Variants in TMEM252 observed in about 807,000 individuals in gnomAD.
TMEM252 encodes transmembrane protein C9orf71.
In TMEM252, 4 loss-of-function variants were observed where a neutral mutation model predicts 6.4. The observed-to-expected ratio is 0.62, with a 90% confidence interval of 0.31 to 1.43. TMEM252 has a LOEUF of 1.43. Among genes scored for constraint, TMEM252 ranks in the 40% most tolerant of loss-of-function variants. TMEM252 has a pLI of 0.07. For missense variants in TMEM252, 207 were observed against 209.4 expected (o/e 0.99, Z 0.07); for synonymous variants, 85 against 82.5 (o/e 1.03, Z -0.17).
rs1825144353 is a variant in TMEM252 at position 68,536,715 on chromosome 9, G to A, written c.*544C>T. ...ACAAAATAACATTCATGGGTTCCGA[G>A]GGCATATCTCCCAGGATGTGAAGTA... On this transcript the variant is annotated 3_prime_UTR_variant, in exon 2 of 2. Transcript: ENST00000377311. 6.6e-6 allele frequency: 1 copy of A among 152,316 alleles called. No homozygotes were observed. The highest frequency in any genetic ancestry group is 2.1e-4 in the South Asian group (1 of 4,838). The allele number at this position is 152,316 out of a possible 1,614,324, so 9.4% of individuals were successfully genotyped here.
At chr9:68,540,080 A>G (rs1825184964) in intron 1 of TMEM252, among the ~76,000 whole-genome samples, 1 of 152,174 alleles carries the variant, frequency 6.6e-6, no homozygotes, top group African/African-American at 2.4e-5. Flanking sequence ...AGGACAGTAA[A>G]CTGGGACTTT....
chr9:68,538,534 A>G (rs1191593171), intron 1 of TMEM252, among the ~76,000 whole-genome samples: 1 of 152,194 alleles, frequency 6.6e-6, no homozygotes, highest in Non-Finnish European at 1.5e-5. Context: ...GAGTGATGTG[A>G]AAGGTTCCAG....
At position 68,540,709 on chromosome 9, in the gene TMEM252, A is replaced by C. The variant is rs373900881; in HGVS notation, c.106T>G (p.Cys36Gly). 8.7e-6 allele frequency: 14 copies of C among 1,614,028 alleles called. No homozygotes were observed. The highest frequency in any genetic ancestry group is 1.2e-5 in the Non-Finnish European group (14 of 1,180,012). The change falls in exon 1 of 2, where the codon TGT becomes GGT. Residue 36 changes from cysteine (C) to glycine (G), a missense_variant. By Grantham distance (159) the Cys-to-Gly change is radical. Coordinates refer to ENST00000377311, the MANE Select transcript of TMEM252 (RefSeq NM_153237.2). Reference protein sequence around the residue: ...FFISWGSIFDCQGSLIAAYLL... With the variant: ...FFISWGSIFDGQGSLIAAYLL... ...TAGGCCGCAATCAGGCTCCCCTGAC[A>C]GTCGAATATGGAGCCCCAGGAAATG...
rs143765415 is a variant in TMEM252 at position 68,540,671 on chromosome 9, A to C, written c.144T>G (p.Pro48=). 1.5e-5 allele frequency: 24 copies of C among 1,614,122 alleles called. No individual in the cohort carries two copies. The African/African-American group carries it at 2.4e-4, about 16-fold the overall frequency. ...GSLIAAYLLL[P]LGFVILLSGI... is the part of the protein sequence containing the mutation. ...CACTCAGAAGGATCACAAACCCCAGAGGCAGAAGCAAATAGGCCGCAATCA... is the reference window on the plus strand; with the variant it reads ...CACTCAGAAGGATCACAAACCCCAGCGGCAGAAGCAAATAGGCCGCAATCA... Residue 48 remains proline, a synonymous_variant, in exon 1 of 2, where the codon CCT becomes CCG. Transcript: ENST00000377311.
intron 1 of TMEM252, among the ~76,000 whole-genome samples, chr9:68,538,015 C>T (rs966497487): frequency 6.6e-6 from 1 of 152,222 alleles, no homozygotes; most frequent in African/African-American, 2.4e-5. Flanking sequence ...TCCTAACACC[C>T]TTTCGAGACT....
At chr9:68,540,372 C>T (rs188003238) in intron 1 of TMEM252, among the ~76,000 whole-genome samples, 165 bp downstream of exon 1, 1 of 152,320 alleles carries the variant, frequency 6.6e-6, no homozygotes, top group East Asian at 1.9e-4. Context: ...CGCCACTCTT[C>T]CTAATAACAA....
chr9:68,538,698 G>A (rs770264188), intron 1 of TMEM252, among the ~76,000 whole-genome samples: 1 of 152,140 alleles, frequency 6.6e-6, no homozygotes, highest in Non-Finnish European at 1.5e-5. Flanking sequence ...CAAATGCTTT[G>A]GAGAAATGTG....
chr9:68,539,531 T>C (rs1825178647), intron 1 of TMEM252, among the ~76,000 whole-genome samples: 1 of 152,256 alleles, frequency 6.6e-6, no homozygotes, highest in South Asian at 2.1e-4. Context: ...CTCATGTAAG[T>C]GGAATTATAC....
chr9:68,539,272 G>T (rs1825175401), intron 1 of TMEM252, among the ~76,000 whole-genome samples: 1 of 152,114 alleles, frequency 6.6e-6, no homozygotes, highest in Non-Finnish European at 1.5e-5. Flanking sequence ...GAATTAGGAG[G>T]TTTCTTGTTG....
Position 68,537,289 on chromosome 9 carries a change from C to T in TMEM252, c.483G>A (p.Glu161=), listed in dbSNP as rs138207550. ...ACTCTTGGCCTCGCCTCTGGGCGTCCTCTGAGATTGCTGTCACCACCAGGC... is the reference window on the plus strand; with the variant it reads ...ACTCTTGGCCTCGCCTCTGGGCGTCTTCTGAGATTGCTGTCACCACCAGGC... The part of the protein sequence containing the change: ...IAGLVVTAIS[E]DAQRRGQEC The change falls in exon 2 of 2, where the codon GAG becomes GAA. Residue 161 remains glutamate (E), a synonymous_variant. Coordinates refer to ENST00000377311, the MANE Select transcript of TMEM252 (RefSeq NM_153237.2). 1,026 of 1,601,724 alleles carry T rather than the reference C, an allele frequency of 6.4e-4. 8 individuals are homozygous for T. In the African/African-American group the frequency reaches 0.012, roughly 19 times the overall value.
chr9:68,538,753 C>A (rs902458536), intron 1 of TMEM252, among the ~76,000 whole-genome samples: 3 of 152,190 alleles, frequency 2.0e-5, no homozygotes, highest in African/African-American at 7.2e-5. Flanking sequence ...GGATAAGCAT[C>A]TTATTACATG....
Position 68,537,014 on chromosome 9 carries a change from G to A in TMEM252, c.*245C>T, listed in dbSNP as rs992438740. 1.3e-5 allele frequency: 6 copies of A among 446,402 alleles called. No individual in the cohort carries two copies. Among genetic ancestry groups the A allele is most frequent in the African/African-American group, 8.3e-5 (4 of 47,940 alleles). 27.7% of individuals were successfully genotyped at this position (446,402 alleles called of 1,614,324 possible). A position where few individuals can be genotyped will look rare whatever the true frequency, so the allele number is the denominator to read the frequency against. ...CTTTGGGGACCCAAGGCCAGCCGGG[G>A]TTAAGATTAGTGTGAATGCTCTGAA... On this transcript the variant is annotated 3_prime_UTR_variant, in exon 2 of 2. Transcript: ENST00000377311.
chr9:68,539,948 T>C (rs985562451), intron 1 of TMEM252, among the ~76,000 whole-genome samples: 1 of 152,248 alleles, frequency 6.6e-6, no homozygotes, highest in East Asian at 1.9e-4. Flanking sequence ...TGTTTGGTTT[T>C]GTTTTTTGAT....
chr9:68,538,060 T>C (rs117679742), intron 1 of TMEM252, among the ~76,000 whole-genome samples: 3,005 of 152,320 alleles, frequency 0.02, 50 homozygotes, highest in Non-Finnish European at 0.029. Context: ...TACAAACATA[T>C]TCATTTCTCA....
At position 68,537,466 on chromosome 9, in the gene TMEM252, T is replaced by A; in HGVS notation, c.306A>T (p.Glu102Asp). The A allele has an allele frequency of 6.2e-7, 1 of 1,601,286 alleles. No individual in the cohort carries two copies. Among genetic ancestry groups the A allele is most frequent in the Admixed American group, 1.8e-5 (1 of 55,708 alleles). Residue 102 changes from glutamate to aspartate, a missense_variant, in exon 2 of 2, where the codon GAA becomes GAT. By Grantham distance (45) the Glu-to-Asp change is conservative (BLOSUM62 2). Transcript: ENST00000377311. ...DRPDFYPPAY[E>D]ESLEVEKQSC... ...TCTGCTTTTCCACCTCAAGGCTCTC[T>A]TCATAAGCTGGAGGGTAAAAGTCTG...
In TMEM252 at chr9:68,540,604, C is replaced by T. The variant is rs1260415707; in HGVS notation, c.211G>A (p.Gly71Arg). ...SNYRQVTESK[G>R]VLRHMLRQHL... ...TGTCGGAGCATGTGCCTCAACACTC[C>T]TTTGCTTTCAGTCACCTGGCGATAG... is the stretch of plus-strand genomic sequence containing the variant. Residue 71 changes from glycine to arginine, a missense_variant, in exon 1 of 2, where the codon GGA becomes AGA. Coordinates refer to ENST00000377311, the MANE Select transcript of TMEM252 (RefSeq NM_153237.2). 5.0e-6 allele frequency: 8 copies of T among 1,614,102 alleles called. No homozygotes were observed. The highest frequency in any genetic ancestry group is 2.2e-5 in the South Asian group (2 of 91,088).
At position 68,536,638 on chromosome 9, in the gene TMEM252, C is replaced by A. The variant is rs1002631816; in HGVS notation, c.*621G>T. 6.6e-6 allele frequency: 1 copy of A among 152,162 alleles called. No homozygotes were observed. Among genetic ancestry groups the A allele is most frequent in the Admixed American group, 6.5e-5 (1 of 15,288 alleles). 9.4% of individuals were successfully genotyped at this position (152,162 alleles called of 1,614,324 possible). A position where few individuals can be genotyped will look rare whatever the true frequency, so the allele number is the denominator to read the frequency against. ...TGAACCATCTTGAAGGCAAATATTA[C>A]AGTCATTTTCCTTTTACATAGAAAA... On this transcript the variant is annotated 3_prime_UTR_variant, in exon 2 of 2. Coordinates refer to ENST00000377311, the MANE Select transcript of TMEM252 (RefSeq NM_153237.2).
chr9:68,537,022 T>G lies in TMEM252; in HGVS notation c.*237A>C. ...ACCCAAGGCCAGCCGGGGTTAAGAT[T>G]AGTGTGAATGCTCTGAAATGTCTGC... is the stretch of plus-strand genomic sequence containing the variant. On this transcript the variant is annotated 3_prime_UTR_variant, in exon 2 of 2. Coordinates refer to ENST00000377311, the MANE Select transcript of TMEM252 (RefSeq NM_153237.2). The G allele has an allele frequency of 2.1e-6, 1 of 466,994 alleles. No homozygotes were observed. Among genetic ancestry groups the G allele is most frequent in the Non-Finnish European group, 3.8e-6 (1 of 266,566 alleles). The allele number at this position is 466,994 out of a possible 1,614,324, so 28.9% of individuals were successfully genotyped here. A position where few individuals can be genotyped will look rare whatever the true frequency, so the allele number is the denominator to read the frequency against.
rs777935010 is a variant in TMEM252, at chr9:68,540,598, A to G, written c.217T>C (p.Leu73=). The change falls in exon 1 of 2, where the codon TTG becomes CTG. Residue 73 remains leucine, a synonymous_variant. Transcript: ENST00000377311. ...YRQVTESKGV[L]RHMLRQHLAH... is the part of the protein sequence containing the mutation. ...AGGTGTTGTCGGAGCATGTGCCTCA[A>G]CACTCCTTTGCTTTCAGTCACCTGG... is the stretch of plus-strand genomic sequence containing the variant. 4 of 1,614,080 alleles carry G rather than the reference A, an allele frequency of 2.5e-6. No individual in the cohort carries two copies. The African/African-American group carries it at 5.3e-5, about 22-fold the overall frequency.
Sources: allele counts gnomAD v4.1 joint callset (sites outside exome capture counted in the v4.1 genomes callset), GRCh38; gene constraint gnomAD v4.1.1; transcripts MANE v1.5; gene names NCBI Gene and HGNC (gene_info 2026-07-23, HGNC 2026-07-21).